Variants in ATP10A observed in about 807,000 individuals in gnomAD.
ATP10A encodes the protein ATPase phospholipid transporting 10A (putative), also known as phospholipid-transporting ATPase VA.
ATP10A carries 111 observed loss-of-function variants against 147.8 expected under a neutral mutation model. The ratio of observed to expected loss-of-function variants is 0.75; its 90% confidence interval spans 0.64 to 0.88. The LOEUF is 0.88. Ranked by LOEUF, ATP10A falls within the 40% of genes least tolerant of loss-of-function variation. The pLI, the probability that ATP10A is intolerant of heterozygous loss-of-function variation, is 0.00. For missense variants in ATP10A, 1,927 were observed against 1,959.0 expected (o/e 0.98, Z 0.31); for synonymous variants, 875 against 841.6 (o/e 1.04, Z -0.69).
At chr15:25,717,217 A>T (rs1263209785) in intron 8 of ATP10A, among the ~76,000 whole-genome samples, 1 of 147,648 alleles carries the variant, frequency 6.8e-6, no homozygotes, top group East Asian at 1.9e-4. Context: ...GGTGGTTTCC[A>T]TTTTCTCCAA....
intron 1 of ATP10A, among the ~76,000 whole-genome samples, chr15:25,800,593 G>A (rs1305916148): frequency 6.6e-6 from 1 of 152,314 alleles, no homozygotes; most frequent in East Asian, 1.9e-4. Flanking sequence ...CTTCCCGGAA[G>A]AAGCTACATT....
chr15:25,854,229 A>C (rs1893412255), intron 1 of ATP10A, among the ~76,000 whole-genome samples: 1 of 152,190 alleles, frequency 6.6e-6, no homozygotes, highest in Non-Finnish European at 1.5e-5. Context: ...GAAGGACAGG[A>C]CAGCCAGCTT....
chr15:25,828,084 TC>T (rs1169590228), intron 1 of ATP10A, among the ~76,000 whole-genome samples: 24 of 151,662 alleles, frequency 1.6e-4, no homozygotes, highest in Non-Finnish European at 3.1e-4. Context: ...GAAAAAAAGG[TC>T]AATCCATCAG....
chr15:25,794,279 A>T (rs887316659), intron 1 of ATP10A, among the ~76,000 whole-genome samples: 1 of 152,092 alleles, frequency 6.6e-6, no homozygotes, highest in African/African-American at 2.4e-5. Flanking sequence ...CCTTACTAAC[A>T]TCACCCTGCC....
chr15:25,691,925 AG>A, intron 14 of ATP10A, 134 bp from the exon 15 acceptor site: 1 of 947,568 alleles, frequency 1.1e-6, no homozygotes. Context: ...TGGGGGAAAA[AG>A]GAGTAGAGCA....
chr15:25,676,147 G>A (rs1041343767), downstream of ATP10A, among the ~76,000 whole-genome samples: 6 of 152,180 alleles, frequency 3.9e-5, no homozygotes, highest in Admixed American at 1.3e-4. Context: ...GAGGTAACAG[G>A]TCCAAACAGG....
chr15:25,730,917 A>C (rs1458539267), intron 3 of ATP10A, among the ~76,000 whole-genome samples: 1 of 152,208 alleles, frequency 6.6e-6, no homozygotes, highest in African/African-American at 2.4e-5. Flanking sequence ...GGCAAGGCGA[A>C]ATTAAAACAT....
At chr15:25,691,215 G>C (rs1900016735) in intron 15 of ATP10A, among the ~76,000 whole-genome samples, 1 of 152,212 alleles carries the variant, frequency 6.6e-6, no homozygotes, top group South Asian at 2.1e-4. Context: ...TAAGTCATTT[G>C]TTCAATGTCT....
chr15:25,727,517 T>A (rs1425179010), intron 3 of ATP10A, among the ~76,000 whole-genome samples: 17 of 152,080 alleles, frequency 1.1e-4, no homozygotes, highest in African/African-American at 2.9e-4. Flanking sequence ...GGTGTTTATT[T>A]GTTTTGCAGA....
At chr15:25,814,571 A>G (rs1375394819) in intron 1 of ATP10A, among the ~76,000 whole-genome samples, 1 of 152,148 alleles carries the variant, frequency 6.6e-6, no homozygotes, top group East Asian at 1.9e-4. Flanking sequence ...GATGACAGGA[A>G]CCTCATCTTC....
chr15:25,714,965 TACACACAC>T (rs10523875), intron 9 of ATP10A, among the ~76,000 whole-genome samples: 45,830 of 145,586 alleles, frequency 0.31, 7,592 homozygotes, highest in African/African-American at 0.43. Flanking sequence ...ATGACACATA[TACACACAC>T]ACACACACAC....
chr15:25,780,160 C>T (rs1300814020), intron 2 of ATP10A, among the ~76,000 whole-genome samples: 1 of 152,244 alleles, frequency 6.6e-6, no homozygotes, highest in Non-Finnish European at 1.5e-5. Flanking sequence ...CAGGGAAGCC[C>T]GATGGGCTGG....
chr15:25,780,910 C>T lies in ATP10A; in HGVS notation c.654+109G>A, dbSNP rs1023284817. On this transcript the variant is annotated intron_variant, in intron 2 of 20. Coordinates refer to ENST00000555815, the MANE Select transcript of ATP10A (RefSeq NM_024490.4). ...CAGACTCGTCTACTAGGAAAAACAG[C>T]CTGGTCTGACAGACAGGAAAATGCA... is the stretch of plus-strand genomic sequence containing the variant. The T allele has an allele frequency of 6.4e-6, 8 of 1,252,474 alleles. No individual in the cohort carries two copies. In the African/African-American group the frequency reaches 1.2e-4, roughly 19 times the overall value. The allele number at this position is 1,252,474 out of a possible 1,614,324, so 77.6% of individuals were successfully genotyped here. A position where few individuals can be genotyped will look rare whatever the true frequency, so the allele number is the denominator to read the frequency against.
At position 25,779,706 on chromosome 15, in the gene ATP10A, C is replaced by A. The variant is rs1262522301; in HGVS notation, c.654+1313G>T. 2.6e-5 allele frequency among the ~76,000 whole-genome samples: 4 copies of A among 152,350 alleles called. No homozygotes were observed. In the East Asian group the frequency reaches 7.7e-4, roughly 29 times the overall value. ...CCTCGAGGGGCCCCTAACTCTTTCACCAGCTCTCCTGATCTAAATGAGAGC... is the reference window on the plus strand; with the variant it reads ...CCTCGAGGGGCCCCTAACTCTTTCAACAGCTCTCCTGATCTAAATGAGAGC... On this transcript the variant is annotated intron_variant, in intron 2 of 20. Coordinates refer to ENST00000555815, the MANE Select transcript of ATP10A (RefSeq NM_024490.4).
downstream of ATP10A, among the ~76,000 whole-genome samples, chr15:25,674,132 T>G (rs1899093269): frequency 6.6e-6 from 1 of 152,060 alleles, no homozygotes. Flanking sequence ...TGGGCATGAG[T>G]TGCATGGTGC....
rs1464636101 is a variant in ATP10A, at chr15:25,863,228, C to G, written c.-132G>C. Reference sequence around the variant, plus strand: ...CTGCGGGACGCACGGAGACCGCGGTCAGCGCGCCGCCTGGCCGGCCCAGCG... The same window carrying G: ...CTGCGGGACGCACGGAGACCGCGGTGAGCGCGCCGCCTGGCCGGCCCAGCG... On this transcript the variant is annotated 5_prime_UTR_variant, in exon 1 of 21. Coordinates refer to ENST00000555815, the MANE Select transcript of ATP10A (RefSeq NM_024490.4). 1.8e-6 allele frequency: 1 copy of G among 570,278 alleles called. No homozygotes were observed. Among genetic ancestry groups the G allele is most frequent in the Admixed American group, 5.8e-5 (1 of 17,244 alleles). 35.3% of individuals were successfully genotyped at this position (570,278 alleles called of 1,614,324 possible).
intron 2 of ATP10A, among the ~76,000 whole-genome samples, chr15:25,753,756 T>A (rs963532014): frequency 1.3e-5 from 2 of 148,560 alleles, no homozygotes; most frequent in African/African-American, 4.9e-5. Flanking sequence ...ATATATATCA[T>A]ATATAGTTAT....
intron 2 of ATP10A, among the ~76,000 whole-genome samples, chr15:25,741,234 A>G (rs1285423468): frequency 1.3e-5 from 2 of 152,130 alleles, no homozygotes; most frequent in East Asian, 3.9e-4. Flanking sequence ...TGGCACACAC[A>G]TGGTCAGAGG....
At chr15:25,819,971 A>T (rs1227967541) in intron 1 of ATP10A, among the ~76,000 whole-genome samples, 1 of 152,180 alleles carries the variant, frequency 6.6e-6, no homozygotes, top group Admixed American at 6.5e-5. Context: ...CTTAATGTGC[A>T]TTATATACAT....
Sources: allele counts gnomAD v4.1 joint callset (sites outside exome capture counted in the v4.1 genomes callset), GRCh38; gene constraint gnomAD v4.1.1; transcripts MANE v1.5; gene names NCBI Gene and HGNC (gene_info 2026-07-23, HGNC 2026-07-21).